The following FHIP1A variants were observed in gnomAD, a reference collection of about 807,000 sequenced individuals.
The protein encoded by FHIP1A is FHF complex subunit HOOK-interacting protein 1A.
FHIP1A carries 61 observed loss-of-function variants against 88.6 expected under a neutral mutation model. The observed-to-expected ratio is 0.69, with a 90% confidence interval of 0.56 to 0.85. FHIP1A has a LOEUF of 0.85. Ranked by LOEUF, FHIP1A falls within the 40% of genes least tolerant of loss-of-function variation. The probability of loss-of-function intolerance (pLI) is 0.00; values close to 1 mark genes in which losing one functional copy is unlikely to be tolerated. For synonymous variants in FHIP1A, 478 were observed against 496.0 expected, an observed-to-expected ratio of 0.96 and a Z score of 0.48; for missense variants, 1,154 against 1,273.5, an observed-to-expected ratio of 0.91 and a Z score of 1.43.
At chr4:151,506,908 C>T (rs1300376033) in intron 3 of FHIP1A, among the ~76,000 whole-genome samples, 1 of 152,122 alleles carries the variant, frequency 6.6e-6, no homozygotes, top group Non-Finnish European at 1.5e-5. Context: ...TATTTACAAA[C>T]AACTTTGCTT....
At chr4:151,625,669 GAAGTAGAA>G (rs1383232458) in intron 7 of FHIP1A, among the ~76,000 whole-genome samples, 2 of 152,168 alleles carry the variant, frequency 1.3e-5, no homozygotes, top group Non-Finnish European at 2.9e-5. Context: ...TGGTTTTATA[GAAGTAGAA>G]TGTGATGCAT....
intron 7 of FHIP1A, among the ~76,000 whole-genome samples, chr4:151,601,516 C>T (rs1211651605): frequency 6.6e-6 from 1 of 151,132 alleles, no homozygotes; most frequent in Non-Finnish European, 1.5e-5. Context: ...GTTACTGCCT[C>T]ATTCTGTTTA....
chr4:151,581,237 A>C (rs1734014831), intron 5 of FHIP1A, among the ~76,000 whole-genome samples: 1 of 152,212 alleles, frequency 6.6e-6, no homozygotes, highest in Non-Finnish European at 1.5e-5. Flanking sequence ...TAGAAGTACA[A>C]AATAACCACA....
intron 3 of FHIP1A, among the ~76,000 whole-genome samples, chr4:151,535,837 A>G (rs151278311): frequency 2.2e-3 from 329 of 152,378 alleles, no homozygotes; most frequent in African/African-American, 7.6e-3. Context: ...ATGACTAGGT[A>G]GAACTTCATA....
intron 1 of FHIP1A, among the ~76,000 whole-genome samples, chr4:151,424,289 G>T (rs994225824): frequency 6.6e-6 from 1 of 152,150 alleles, no homozygotes; most frequent in African/African-American, 2.4e-5. Context: ...GAATTACATC[G>T]TTGGTCTGGG....
At chr4:151,629,940 G>T (rs1042159374) in intron 8 of FHIP1A, 71 bp downstream of exon 8, 3 of 1,233,788 alleles carry the variant, frequency 2.4e-6, no homozygotes, top group African/African-American at 3.1e-5. Flanking sequence ...TTTTGGGAAT[G>T]AAATTATGAA....
intron 3 of FHIP1A, among the ~76,000 whole-genome samples, chr4:151,487,962 T>G (rs771961178): frequency 6.6e-6 from 1 of 152,228 alleles, no homozygotes; most frequent in Non-Finnish European, 1.5e-5. Flanking sequence ...CATATCTGCT[T>G]GGGACTCTTG....
chr4:151,633,300 G>A (rs890992780), intron 8 of FHIP1A, among the ~76,000 whole-genome samples: 2 of 151,812 alleles, frequency 1.3e-5, no homozygotes, highest in Non-Finnish European at 3.0e-5. Context: ...CAAGTAAGGA[G>A]ATCAAAACTG....
chr4:151,435,805 T>A (rs1321357682), intron 1 of FHIP1A, among the ~76,000 whole-genome samples: 3 of 150,112 alleles, frequency 2.0e-5, no homozygotes, highest in South Asian at 4.2e-4. Flanking sequence ...AAAAAAAAAA[T>A]TCTAAATGGT....
At chr4:151,486,397 GA>G (rs1730084169) in intron 3 of FHIP1A, among the ~76,000 whole-genome samples, 1 of 152,176 alleles carries the variant, frequency 6.6e-6, no homozygotes, top group Admixed American at 6.5e-5. Context: ...TCAAGAAGCA[GA>G]GAATTTTTCC....
rs918645568 is a variant in FHIP1A, at chr4:151,663,588, T to C, written c.*834T>C. On this transcript the variant is annotated 3_prime_UTR_variant, in exon 14 of 14. Transcript: ENST00000435205. ...ACATATATATGTAAGAAGACAACCA[T>C]CATTATTTTTGTAAGTGTTTTATAA... The C allele has an allele frequency of 1.3e-5, 2 of 152,166 alleles. No homozygotes were observed. Among genetic ancestry groups the C allele is most frequent in the Admixed American group, 1.3e-4 (2 of 15,286 alleles). The allele number at this position is 152,166 out of a possible 1,614,324, so 9.4% of individuals were successfully genotyped here. A position where few individuals can be genotyped will look rare whatever the true frequency, so the allele number is the denominator to read the frequency against.
At chr4:151,538,271 A>G (rs907190547) in intron 3 of FHIP1A, among the ~76,000 whole-genome samples, 1 of 152,184 alleles carries the variant, frequency 6.6e-6, no homozygotes, top group South Asian at 2.1e-4. Context: ...TCAGTTGTAG[A>G]ATGAGGATAA....
intron 2 of FHIP1A, among the ~76,000 whole-genome samples, chr4:151,474,774 A>G (rs1014829251): frequency 2.0e-5 from 3 of 152,252 alleles, no homozygotes; most frequent in African/African-American, 4.8e-5. Flanking sequence ...GCATGTGCAG[A>G]TGAAGGTCAC....
At chr4:151,470,721 T>C (rs1729477728) in intron 2 of FHIP1A, among the ~76,000 whole-genome samples, 1 of 152,232 alleles carries the variant, frequency 6.6e-6, no homozygotes, top group Non-Finnish European at 1.5e-5. Flanking sequence ...CCCTGCCATC[T>C]TACAGTCTAG....
chr4:151,651,723 A>C (rs528505025), intron 11 of FHIP1A, among the ~76,000 whole-genome samples: 15 of 152,268 alleles, frequency 9.9e-5, no homozygotes, highest in African/African-American at 3.6e-4. Context: ...CCAGCCAGCC[A>C]AGTAGGTTTA....
At chr4:151,555,719 G>A (rs1302104821) in intron 3 of FHIP1A, among the ~76,000 whole-genome samples, 1 of 152,108 alleles carries the variant, frequency 6.6e-6, no homozygotes, top group Admixed American at 6.6e-5. Context: ...TTTAACCCAT[G>A]ATTCAGAGAT....
chr4:151,651,354 ACAAATCATGG>A (rs1249563974), intron 11 of FHIP1A, among the ~76,000 whole-genome samples: 1 of 152,250 alleles, frequency 6.6e-6, no homozygotes, highest in Non-Finnish European at 1.5e-5. Context: ...ATCTGCATTT[ACAAATCATGG>A]TGCAGAGGGA....
intron 3 of FHIP1A, among the ~76,000 whole-genome samples, chr4:151,551,082 C>A (rs546201045): frequency 6.6e-6 from 1 of 152,310 alleles, no homozygotes; most frequent in South Asian, 2.1e-4. Flanking sequence ...GCCCACAGCA[C>A]TCCTGGCAGC....
At chr4:151,658,434 C>G (rs1223580477) in intron 13 of FHIP1A, among the ~76,000 whole-genome samples, 4 of 152,210 alleles carry the variant, frequency 2.6e-5, no homozygotes, top group Non-Finnish European at 5.9e-5. Flanking sequence ...ACATCTGTGG[C>G]TGTTGGCTGG....
Sources: allele counts gnomAD v4.1 joint callset (sites outside exome capture counted in the v4.1 genomes callset), GRCh38; gene constraint gnomAD v4.1.1; transcripts MANE v1.5; gene names NCBI Gene and HGNC (gene_info 2026-07-23, HGNC 2026-07-21).